Variants in G3BP2 observed in about 807,000 individuals in gnomAD.
G3BP2 encodes G3BP stress granule assembly factor 2, also known as ras GTPase-activating protein-binding protein 2.
In G3BP2, 11 loss-of-function variants were observed where a neutral mutation model predicts 56.7. The observed-to-expected ratio is 0.19, with a 90% CI of 0.12 to 0.32. The LOEUF (loss-of-function observed/expected upper bound fraction) is 0.32. G3BP2 is among the 10% of genes least tolerant of loss of function. The probability of loss-of-function intolerance (pLI) is 1.00; values close to 1 mark genes in which losing one functional copy is unlikely to be tolerated. For synonymous variants in G3BP2, 165 were observed against 191.6 expected (o/e 0.86, Z 1.15); for missense variants, 340 against 610.9 (o/e 0.56, Z 4.67).
chr4:75,653,142 T>C (rs894730057), intron 8 of G3BP2, among the ~76,000 whole-genome samples: 10 of 151,570 alleles, frequency 6.6e-5, no homozygotes, highest in African/African-American at 2.4e-4. Flanking sequence ...TCTACTTTTA[T>C]GTAGCTGATT....
At chr4:75,672,917 C>A in intron 1 of G3BP2, 1 of 810,842 alleles carries the variant, frequency 1.2e-6, no homozygotes, top group Non-Finnish European at 1.5e-6. Flanking sequence ...ACTTCGCCAC[C>A]TCATCCCCAA....
chr4:75,673,435 CCT>C (rs1395862256), upstream of G3BP2: 27 of 1,232,278 alleles, frequency 2.2e-5, no homozygotes, highest in Middle Eastern at 3.1e-4. Flanking sequence ...GCCACCGCCC[CCT>C]CTTATTGTTT....
chr4:75,663,845 C>A (rs1322463688), intron 1 of G3BP2, among the ~76,000 whole-genome samples: 1 of 152,194 alleles, frequency 6.6e-6, no homozygotes, highest in Non-Finnish European at 1.5e-5. Context: ...GGCGACAGAG[C>A]GAGACTCGTC....
chr4:75,686,405 G>T (rs1049151234), intron 3 of G3BP2, among the ~76,000 whole-genome samples: 9 of 152,088 alleles, frequency 5.9e-5, no homozygotes, highest in Admixed American at 1.3e-4. Context: ...AGGAAATGGG[G>T]AAATAATGTC....
intron 8 of G3BP2, among the ~76,000 whole-genome samples, chr4:75,650,195 G>A (rs1482830300): frequency 6.6e-6 from 1 of 151,926 alleles, no homozygotes; most frequent in Non-Finnish European, 1.5e-5. Flanking sequence ...AGCACTTTGG[G>A]AGGCCGAGGC....
chr4:75,645,853 G>A, intron 11 of G3BP2, 151 bp from the exon 12 acceptor site: 1 of 673,656 alleles, frequency 1.5e-6, no homozygotes, highest in Non-Finnish European at 2.5e-6. Flanking sequence ...TGTCACCCAG[G>A]CTGGTGACAG....
intron 3 of G3BP2, among the ~76,000 whole-genome samples, chr4:75,658,208 A>G (rs1732258253): frequency 6.6e-6 from 1 of 152,178 alleles, no homozygotes. Context: ...TATAAACTTA[A>G]TACACTGTCT....
At chr4:75,660,276 C>T (rs527337574) in intron 2 of G3BP2, among the ~76,000 whole-genome samples, 1 of 152,262 alleles carries the variant, frequency 6.6e-6, no homozygotes, top group East Asian at 1.9e-4. Flanking sequence ...CAAACTCCCT[C>T]ACATACATTG....
intron 3 of G3BP2, among the ~76,000 whole-genome samples, chr4:75,683,097 C>A (rs1481998221): frequency 6.6e-6 from 1 of 152,150 alleles, no homozygotes; most frequent in Admixed American, 6.5e-5. Context: ...ATGCAGGGTC[C>A]GCATCAGCTC....
intron 5 of G3BP2, 87 bp downstream of exon 5, chr4:75,656,837 T>G: frequency 2.8e-6 from 2 of 704,410 alleles, no homozygotes; most frequent in Non-Finnish European, 5.0e-6. Context: ...AAGCAGCAAA[T>G]TTCCGTAGAT....
At chr4:75,673,146 C>T in intron 1 of G3BP2, 62 bp downstream of exon 1, 4 of 1,130,936 alleles carry the variant, frequency 3.5e-6, no homozygotes, top group Non-Finnish European at 3.2e-6. Context: ...CGCCGCGGAG[C>T]GCGAATGGAA....
At chr4:75,693,951 G>C (rs1409934324) in intron 3 of G3BP2, among the ~76,000 whole-genome samples, 1 of 151,684 alleles carries the variant, frequency 6.6e-6, no homozygotes, top group Non-Finnish European at 1.5e-5. Context: ...ATATTGTCTA[G>C]GGTGGTCTTG....
At chr4:75,673,082 G>A (rs1733629832) in intron 1 of G3BP2, 126 bp downstream of exon 1, 1 of 1,027,984 alleles carries the variant, frequency 9.7e-7, no homozygotes, top group Non-Finnish European at 1.2e-6. Flanking sequence ...CAAGAACAAT[G>A]TCTCTGCCGC....
chr4:75,673,582 G>A (rs1001271249), upstream of G3BP2: 3 of 1,231,960 alleles, frequency 2.4e-6, no homozygotes, highest in East Asian at 3.2e-5. Flanking sequence ...GCACACGCTC[G>A]CGCCCGGAAA....
chr4:75,658,919 TA>T lies in G3BP2; in HGVS notation c.100del (p.Tyr34MetfsTer12). ...NKAPEYLHRF[Y>X]GRNSSYVHGG... is the part of the protein sequence containing the mutation. ...ATGAACATAGGAAGAATTCCTGCCA[TA>T]AAACCTGCAAAACCATAATTAATGA... On this transcript the variant is annotated frameshift_variant, in exon 3 of 12. Coordinates refer to ENST00000359707, the MANE Select transcript of G3BP2 (RefSeq NM_203505.3). LOFTEE classifies it high-confidence loss of function. 6.2e-7 allele frequency: 1 copy of T among 1,607,700 alleles called. No homozygotes were observed. Among genetic ancestry groups the T allele is most frequent in the Non-Finnish European group, 8.5e-7 (1 of 1,174,166 alleles).
chr4:75,684,469 C>A (rs1718490212), intron 3 of G3BP2, among the ~76,000 whole-genome samples: 1 of 151,510 alleles, frequency 6.6e-6, no homozygotes, highest in African/African-American at 2.4e-5. Context: ...AAAAATATAA[C>A]AAGTTTCTGG....
intron 3 of G3BP2, among the ~76,000 whole-genome samples, chr4:75,690,150 G>A (rs899003363): frequency 6.6e-6 from 1 of 152,090 alleles, no homozygotes; most frequent in African/African-American, 2.4e-5. Context: ...ATCAACATTA[G>A]AGGACAGGCG....
chr4:75,702,517 T>C (rs1719388986), intron 3 of G3BP2, among the ~76,000 whole-genome samples: 1 of 152,218 alleles, frequency 6.6e-6, no homozygotes, highest in African/African-American at 2.4e-5. Flanking sequence ...AGATGTACAA[T>C]TGAATTTTGT....
intron 3 of G3BP2, among the ~76,000 whole-genome samples, chr4:75,685,521 A>G (rs1464948542): frequency 1.3e-5 from 2 of 148,988 alleles, no homozygotes; most frequent in Non-Finnish European, 3.0e-5. Flanking sequence ...AAAAAAAACC[A>G]AAAACACAGA....
Sources: gnomAD v4.1 joint callset for allele counts (sites outside exome capture counted in the v4.1 genomes callset) on GRCh38, gnomAD v4.1.1 for gene constraint, MANE v1.5 for transcripts, NCBI Gene and HGNC (gene_info 2026-07-23, HGNC 2026-07-21) for gene names.